APCDD1L: variants seen among roughly 807,000 people sequenced by gnomAD.
APCDD1L encodes the protein protein APCDD1-like.
In APCDD1L, 21 loss-of-function variants were observed where a neutral mutation model predicts 24.2. The observed-to-expected ratio is 0.87, with a 90% CI of 0.61 to 1.25. APCDD1L has a LOEUF of 1.25. Ranked by LOEUF, APCDD1L falls within the 50% of genes most tolerant of loss-of-function variation. APCDD1L has a pLI of 0.00. For missense variants in APCDD1L, 704 were observed against 711.7 expected (o/e 0.99, Z 0.12); for synonymous variants, 321 against 323.6 (o/e 0.99, Z 0.09).
intron 1 of APCDD1L, among the ~76,000 whole-genome samples, chr20:58,495,473 G>A (rs1990303931): frequency 6.6e-6 from 1 of 152,150 alleles, no homozygotes; most frequent in Non-Finnish European, 1.5e-5. Flanking sequence ...TGACCTTCTA[G>A]GCTGAGCTGC....
intron 1 of APCDD1L, among the ~76,000 whole-genome samples, chr20:58,493,096 TCA>T (rs1267374714): frequency 6.7e-6 from 1 of 148,614 alleles, no homozygotes; most frequent in East Asian, 2.0e-4. Context: ...ATACACGCAC[TCA>T]CACACAATGC....
At position 58,460,130 on chromosome 20, in the gene APCDD1L, G is replaced by A. The variant is rs1410713571; in HGVS notation, c.*660C>T. On this transcript the variant is annotated 3_prime_UTR_variant, in exon 4 of 4. Transcript: ENST00000371149. This position sits in a 1 kb window ranked among gnomAD's most constrained non-coding sequence, Gnocchi z 4.2. ...TCCACATGCAGTGTTGGCAGCTTGA[G>A]GTCCGACTCGCAGAAGCACAGGCAA... is the stretch of plus-strand genomic sequence containing the variant. The A allele has an allele frequency of 6.6e-6, 1 of 152,254 alleles. No individual in the cohort carries two copies. Among genetic ancestry groups the A allele is most frequent in the African/African-American group, 2.4e-5 (1 of 41,456 alleles). The allele number at this position is 152,254 out of a possible 1,614,324, so 9.4% of individuals were successfully genotyped here. A position where few individuals can be genotyped will look rare whatever the true frequency, so the allele number is the denominator to read the frequency against.
chr20:58,474,960 A>G (rs1989879138), intron 1 of APCDD1L, among the ~76,000 whole-genome samples: 2 of 152,114 alleles, frequency 1.3e-5, no homozygotes, highest in South Asian at 4.2e-4. Context: ...GATATTTCAT[A>G]AAGATGGAAT....
intron 3 of APCDD1L, among the ~76,000 whole-genome samples, chr20:58,464,102 G>T (rs117021666): frequency 0.02 from 3,050 of 152,240 alleles, 52 homozygotes; most frequent in Admixed American, 0.03. Context: ...GTTAGCCGGA[G>T]TGTTGGTGAT....
chr20:58,471,845 G>C (rs1446331334), intron 1 of APCDD1L, among the ~76,000 whole-genome samples: 6 of 152,226 alleles, frequency 3.9e-5, no homozygotes, highest in African/African-American at 1.4e-4. Flanking sequence ...AAGCTTCCAA[G>C]CATGGCTCTT....
chr20:58,483,696 C>G (rs1231619684), intron 1 of APCDD1L, among the ~76,000 whole-genome samples: 1 of 152,228 alleles, frequency 6.6e-6, no homozygotes, highest in Non-Finnish European at 1.5e-5. Context: ...TCTACGGCCC[C>G]CGCTGGCTTG....
At chr20:58,472,974 T>TG (rs1212763448) in intron 1 of APCDD1L, among the ~76,000 whole-genome samples, 2 of 152,212 alleles carry the variant, frequency 1.3e-5, no homozygotes, top group African/African-American at 4.8e-5. Context: ...CAGAAGACAC[T>TG]GGGTTTCCTG....
chr20:58,502,098 G>A lies in APCDD1L; in HGVS notation c.49+12561C>T, dbSNP rs578054978. Among the ~76,000 whole-genome samples, 15 of 152,114 alleles carry A rather than the reference G, an allele frequency of 9.9e-5. No individual in the cohort carries two copies. The South Asian group carries it at 3.1e-3, about 32-fold the overall frequency. ...TTGTCACCATCTGCCATTGTCTTGT[G>A]TTTTTTTGTTTTGTTTTGTTTTGAG... On this transcript the variant is annotated intron_variant, in intron 1 of 3. Coordinates refer to ENST00000371149, the MANE Select transcript of APCDD1L (RefSeq NM_153360.3).
In APCDD1L at chr20:58,467,676, G is replaced by A; in HGVS notation, c.189-18C>T. On this transcript the variant is annotated intron_variant, in intron 2 of 3. Transcript: ENST00000371149. This position sits in a 1 kb window ranked among gnomAD's most constrained non-coding sequence, Gnocchi z 5.9. ...CCTCGCAGCTGCAGGGGTGGAAGGA[G>A]ATGGGCTGGGTGCAGAGGGAACACC... The A allele has an allele frequency of 6.8e-7, 1 of 1,475,838 alleles. No homozygotes were observed. Among genetic ancestry groups the A allele is most frequent in the Non-Finnish European group, 9.0e-7 (1 of 1,110,758 alleles). 91.4% of individuals were successfully genotyped at this position (1,475,838 alleles called of 1,614,324 possible).
intron 1 of APCDD1L, 137 bp downstream of exon 1, chr20:58,514,522 C>G: frequency 1.1e-6 from 1 of 901,042 alleles, no homozygotes; most frequent in Admixed American, 4.3e-5. Flanking sequence ...TGGAGAAAGG[C>G]GCGCAGGGCG....
At chr20:58,493,082 A>C (rs370810283) in intron 1 of APCDD1L, among the ~76,000 whole-genome samples, 1 of 151,998 alleles carries the variant, frequency 6.6e-6, no homozygotes, top group Non-Finnish European at 1.5e-5. Context: ...GCATGCATAC[A>C]TGCATACACG....
chr20:58,477,293 A>G (rs994399441), intron 1 of APCDD1L, among the ~76,000 whole-genome samples: 1 of 152,186 alleles, frequency 6.6e-6, no homozygotes, highest in African/African-American at 2.4e-5. Context: ...CCTGCATTGT[A>G]TTGAGCTGTC....
At chr20:58,500,455 G>A (rs1337099140) in intron 1 of APCDD1L, among the ~76,000 whole-genome samples, 2 of 152,188 alleles carry the variant, frequency 1.3e-5, no homozygotes, top group African/African-American at 4.8e-5. Context: ...GCATCCTGAT[G>A]GCTCTGTTTG....
chr20:58,466,143 A>AAAAG (rs1989701100), intron 3 of APCDD1L, among the ~76,000 whole-genome samples: 1 of 150,116 alleles, frequency 6.7e-6, no homozygotes, highest in Non-Finnish European at 1.5e-5. Flanking sequence ...AAAAAAAAAA[A>AAAAG]GTGTGCTGGG....
intron 1 of APCDD1L, among the ~76,000 whole-genome samples, chr20:58,507,751 A>G (rs191411544): frequency 5.3e-5 from 8 of 152,362 alleles, no homozygotes; most frequent in Admixed American, 4.6e-4. Context: ...AACACATACA[A>G]GAGACAGCTA....
intron 3 of APCDD1L, among the ~76,000 whole-genome samples, chr20:58,462,920 G>C (rs1167703195): frequency 6.6e-6 from 1 of 150,706 alleles, no homozygotes; most frequent in East Asian, 2.0e-4. Flanking sequence ...CAGGTGGATA[G>C]ATCATGAGGT....
chr20:58,509,647 C>T (rs1990591239), intron 1 of APCDD1L, among the ~76,000 whole-genome samples: 1 of 152,142 alleles, frequency 6.6e-6, no homozygotes, highest in Non-Finnish European at 1.5e-5. Context: ...TTACCAGGCT[C>T]TGAATGGGGG....
intron 3 of APCDD1L, among the ~76,000 whole-genome samples, chr20:58,465,512 T>C (rs950123107): frequency 2.6e-5 from 4 of 152,192 alleles, no homozygotes; most frequent in African/African-American, 9.7e-5. Flanking sequence ...GAAGGTGGCC[T>C]AAGAGCTCCA....
At position 58,514,783 on chromosome 20, in the gene APCDD1L, G is replaced by C. The variant is rs993558993; in HGVS notation, c.-76C>G. ...GGGAGGCGCGGGCGCAGGGCTCTCG[G>C]ACGGCTGCGGGCGCCGGCGGCCAGG... On this transcript the variant is annotated 5_prime_UTR_variant, in exon 1 of 4. Transcript: ENST00000371149. 3.4e-5 allele frequency: 41 copies of C among 1,191,596 alleles called. 1 individual carries two copies. In the Middle Eastern group the frequency reaches 7.7e-4, roughly 22 times the overall value. 73.8% of individuals were successfully genotyped at this position (1,191,596 alleles called of 1,614,324 possible). A position where few individuals can be genotyped will look rare whatever the true frequency, so the allele number is the denominator to read the frequency against.
Sources: gnomAD v4.1 joint callset for allele counts (sites outside exome capture counted in the v4.1 genomes callset) on GRCh38, gnomAD v4.1.1 for gene constraint, Gnocchi (gnomAD v3.1) non-coding constraint, MANE v1.5 for transcripts, NCBI Gene and HGNC (gene_info 2026-07-23, HGNC 2026-07-21) for gene names.